DLG5: variants seen among roughly 807,000 people sequenced by gnomAD.
DLG5 encodes discs large MAGUK scaffold protein 5.
DLG5 carries 48 observed loss-of-function variants against 189.8 expected under a neutral mutation model. The observed-to-expected ratio is 0.25, with a 90% CI of 0.20 to 0.32. The LOEUF (loss-of-function observed/expected upper bound fraction) is 0.32. DLG5 is among the 10% of genes least tolerant of loss of function. The pLI, the probability that DLG5 is intolerant of heterozygous loss-of-function variation, is 1.00. For synonymous variants in DLG5, 1,016 were observed against 1,054.1 expected, an observed-to-expected ratio of 0.96 and a Z score of 0.70; for missense variants, 2,160 against 2,544.7, an observed-to-expected ratio of 0.85 and a Z score of 3.25.
At position 77,842,150 on chromosome 10, in the gene DLG5, T is replaced by A. The variant is rs774783365; in HGVS notation, c.1168A>T (p.Asn390Tyr). The change falls in exon 7 of 32, where the codon AAC becomes TAC. Residue 390 changes from asparagine to tyrosine, a missense_variant. Coordinates refer to ENST00000372391, the MANE Select transcript of DLG5 (RefSeq NM_004747.4). Reference protein sequence around the residue: ...HHELNKATAQNKDLQWEMELL... With the variant: ...HHELNKATAQYKDLQWEMELL... ...TCCATCTCCCACTGCAGGTCCTTGT[T>A]CTGCGCCGTGGCCTTGTTCAGCTCA... is the stretch of plus-strand genomic sequence containing the variant. 1.2e-6 allele frequency: 2 copies of A among 1,608,994 alleles called. No homozygotes were observed. The highest frequency in any genetic ancestry group is 2.2e-5 in the South Asian group (2 of 91,082).
In DLG5 at chr10:77,796,324, G is replaced by C; in HGVS notation, c.5308+127C>G. On this transcript the variant is annotated intron_variant, in intron 28 of 31. Coordinates refer to ENST00000372391, the MANE Select transcript of DLG5 (RefSeq NM_004747.4). This position sits in a 1 kb window ranked among gnomAD's most constrained non-coding sequence, Gnocchi z 5.2. ...GCATGAATCTGACCCATGTCAGCAG[G>C]CTTCTGGAACACTGTGAAATCTGCC... The C allele has an allele frequency of 6.3e-7, 1 of 1,582,690 alleles. No individual in the cohort carries two copies. Among genetic ancestry groups the C allele is most frequent in the African/African-American group, 1.3e-5 (1 of 74,332 alleles).
chr10:77,933,312 G>A, the DLG5 span, among the ~76,000 whole-genome samples: 3 of 151,694 alleles, frequency 2.0e-5, no homozygotes, highest in East Asian at 1.9e-4. Flanking sequence ...TTGAGATAGA[G>A]TCTCGCTCTT....
chr10:77,874,660 T>C (rs1488156511), intron 1 of DLG5, among the ~76,000 whole-genome samples: 1 of 152,262 alleles, frequency 6.6e-6, no homozygotes. Flanking sequence ...ATTATGTATA[T>C]GCAAATATTC....
rs1343884790 is a variant in DLG5, at chr10:77,821,157, C to T, written c.3327G>A (p.Lys1109=). The T allele has an allele frequency of 6.2e-7, 1 of 1,614,186 alleles. No homozygotes were observed. Among genetic ancestry groups the T allele is most frequent in the South Asian group, 1.1e-5 (1 of 91,092 alleles). ...TGGGAGCAGATTTTGGCCGGCGACG[C>T]TTCTGCCCCAGCTCATCCACCTTCT... is the stretch of plus-strand genomic sequence containing the variant. ...TSQKVDELGQ[K]RRRPKSAPSF... Residue 1109 remains lysine, a synonymous_variant, in exon 15 of 32, where the codon AAG becomes AAA. Transcript: ENST00000372391.
the DLG5 span, among the ~76,000 whole-genome samples, chr10:77,939,176 G>A: frequency 2.6e-5 from 4 of 152,158 alleles, no homozygotes; most frequent in East Asian, 1.9e-4. Context: ...GTGAAACTCC[G>A]TCTCAAAACA....
rs373681955 is a variant in DLG5, at chr10:77,816,990, T to C, written c.3874+17A>G. 1.4e-5 allele frequency: 22 copies of C among 1,611,592 alleles called. No individual in the cohort carries two copies. Among genetic ancestry groups the C allele is most frequent in the African/African-American group, 2.7e-5 (2 of 74,822 alleles). On this transcript the variant is annotated intron_variant, in intron 19 of 31. Transcript: ENST00000372391. ...GCAGGAAAAGCAGGAGAGATGGGAATGTCGAGAAGTCCTTACCTCTCTCGG... is the reference window on the plus strand; with the variant it reads ...GCAGGAAAAGCAGGAGAGATGGGAACGTCGAGAAGTCCTTACCTCTCTCGG...
chr10:77,865,082 G>A lies in DLG5; in HGVS notation c.373+4047C>T, dbSNP rs574493277. 4.6e-5 allele frequency among the ~76,000 whole-genome samples: 7 copies of A among 152,292 alleles called. No individual in the cohort carries two copies. In the South Asian group the frequency reaches 1.2e-3, roughly 27 times the overall value. On this transcript the variant is annotated intron_variant, in intron 2 of 31. Transcript: ENST00000372391. ...AAGCTTTCTGTGATTCCCCTCATCA[G>A]AACTAACTGCTTCTTCCCTTGAGTT...
chr10:77,905,943 C>G lies in DLG5; in HGVS notation c.304+20274G>C, dbSNP rs79558718. ...CTCTATTTCTTATGTTTTCACTGAGCACTGTGCATTTAAATACATCATGCT... is the reference window on the plus strand; with the variant it reads ...CTCTATTTCTTATGTTTTCACTGAGGACTGTGCATTTAAATACATCATGCT... On this transcript the variant is annotated intron_variant, in intron 1 of 31. Coordinates refer to ENST00000372391, the MANE Select transcript of DLG5 (RefSeq NM_004747.4). Among the ~76,000 whole-genome samples the G allele has an allele frequency of 8.2e-3, 1,249 of 152,342 alleles. 22 individuals are homozygous for G. Among genetic ancestry groups the G allele is most frequent in the African/African-American group, 0.028 (1,169 of 41,574 alleles).
intron 1 of DLG5, among the ~76,000 whole-genome samples, chr10:77,907,612 C>G (rs1472112919): frequency 2.0e-5 from 3 of 152,122 alleles, no homozygotes; most frequent in Non-Finnish European, 4.4e-5. Context: ...CTTACGCTTA[C>G]ACAGTACTTA....
rs368382364 is a variant in DLG5 at position 77,854,893 on chromosome 10, G to A, written c.537-523C>T. Among the ~76,000 whole-genome samples, 23 of 152,186 alleles carry A rather than the reference G, an allele frequency of 1.5e-4. 3 individuals are homozygous for A. Among genetic ancestry groups the A allele is most frequent in the East Asian group, 7.7e-4 (4 of 5,174 alleles). On this transcript the variant is annotated intron_variant, in intron 3 of 31. Coordinates refer to ENST00000372391, the MANE Select transcript of DLG5 (RefSeq NM_004747.4). Reference sequence around the variant, plus strand: ...AGTCCCAGCTACTCAGGAGGCTAACGTGGGAGGATCACTTGAGCCCAGGAG... The same window carrying A: ...AGTCCCAGCTACTCAGGAGGCTAACATGGGAGGATCACTTGAGCCCAGGAG...
At position 77,926,521 on chromosome 10, in the gene DLG5, G is replaced by A. The variant is rs1170639681; in HGVS notation, c.-1C>T. 3.1e-6 allele frequency: 4 copies of A among 1,284,248 alleles called. No homozygotes were observed. In the Admixed American group the frequency reaches 1.6e-4, roughly 51 times the overall value. 79.6% of individuals were successfully genotyped at this position (1,284,248 alleles called of 1,614,324 possible). A position where few individuals can be genotyped will look rare whatever the true frequency, so the allele number is the denominator to read the frequency against. On this transcript the variant is annotated 5_prime_UTR_variant, in exon 1 of 32. Coordinates refer to ENST00000372391, the MANE Select transcript of DLG5 (RefSeq NM_004747.4). This position sits in a 1 kb window ranked among gnomAD's most constrained non-coding sequence, Gnocchi z 5.2. Reference sequence around the variant, plus strand: ...GCAGCTCCCGGCGCTGGGGCTCCATGGTGGCGGGCCGCGCCGCCCCGCCCC... The same window carrying A: ...GCAGCTCCCGGCGCTGGGGCTCCATAGTGGCGGGCCGCGCCGCCCCGCCCC...
rs1017024906 is a variant in DLG5 at position 77,791,414 on chromosome 10, A to G, written c.*1026T>C. ...GTGCATGCCGTGAGTGCTGTAATCAAGATTAAAAAGACCTCAGTTTTTCTT... is the reference window on the plus strand; with the variant it reads ...GTGCATGCCGTGAGTGCTGTAATCAGGATTAAAAAGACCTCAGTTTTTCTT... On this transcript the variant is annotated 3_prime_UTR_variant, in exon 32 of 32. Coordinates refer to ENST00000372391, the MANE Select transcript of DLG5 (RefSeq NM_004747.4). The G allele has an allele frequency of 1.1e-4, 17 of 152,396 alleles. No individual in the cohort carries two copies. Among genetic ancestry groups the G allele is most frequent in the African/African-American group, 3.9e-4 (16 of 41,410 alleles). 9.4% of individuals were successfully genotyped at this position (152,396 alleles called of 1,614,324 possible).
At chr10:77,837,172 G>A (rs1451247473) in intron 7 of DLG5, among the ~76,000 whole-genome samples, 5 of 136,600 alleles carry the variant, frequency 3.7e-5, no homozygotes, top group Admixed American at 1.6e-4. Flanking sequence ...CCCAGATGGC[G>A]CCACTGCACT....
chr10:77,899,543 G>A (rs947675777), intron 1 of DLG5, among the ~76,000 whole-genome samples: 8 of 152,134 alleles, frequency 5.3e-5, no homozygotes, highest in Admixed American at 6.5e-5. Flanking sequence ...GCAACCTCCC[G>A]GGGCACACAT....
intron 8 of DLG5, among the ~76,000 whole-genome samples, chr10:77,835,397 C>G (rs113751323): frequency 2.4e-4 from 36 of 152,256 alleles, no homozygotes; most frequent in African/African-American, 8.7e-4. Flanking sequence ...AGTAGGCGCC[C>G]GGTGAATACT....
intron 2 of DLG5, among the ~76,000 whole-genome samples, chr10:77,861,520 C>T (rs908633507): frequency 1.3e-5 from 2 of 152,220 alleles, no homozygotes; most frequent in Non-Finnish European, 2.9e-5. Flanking sequence ...CACACCCCAT[C>T]TCTGTCTCCA....
chr10:77,939,597 G>A, the DLG5 span, among the ~76,000 whole-genome samples: 1 of 152,210 alleles, frequency 6.6e-6, no homozygotes, highest in African/African-American at 2.4e-5. Context: ...AAGCTGGAAA[G>A]TGATGAAATC....
chr10:77,860,498 T>C (rs1844431612), intron 2 of DLG5, among the ~76,000 whole-genome samples: 1 of 152,210 alleles, frequency 6.6e-6, no homozygotes. Flanking sequence ...AGTTTCACCA[T>C]GTTGGCCAGG....
At chr10:77,802,113 G>T (rs977532033) in intron 27 of DLG5, among the ~76,000 whole-genome samples, 4 of 152,206 alleles carry the variant, frequency 2.6e-5, no homozygotes, top group Non-Finnish European at 5.9e-5. Flanking sequence ...CCTCAAGCCC[G>T]GAGGGAGCGA....
Sources: gnomAD v4.1 joint callset for allele counts (sites outside exome capture counted in the v4.1 genomes callset) on GRCh38, gnomAD v4.1.1 for gene constraint, Gnocchi (gnomAD v3.1) non-coding constraint, MANE v1.5 for transcripts, NCBI Gene and HGNC (gene_info 2026-07-23, HGNC 2026-07-21) for gene names.